CCDC149: variants seen among roughly 807,000 people sequenced by gnomAD.
CCDC149 encodes the protein coiled-coil domain-containing protein 149.
A neutral mutation model predicts 59.9 loss-of-function variants in CCDC149; 45 were observed. The ratio of observed to expected loss-of-function variants is 0.75; its 90% CI spans 0.59 to 0.96. The LOEUF (loss-of-function observed/expected upper bound fraction) is 0.96, where lower values mean the gene tolerates loss of function less well. CCDC149 is among the 40% of genes least tolerant of loss of function. The pLI is 0.00. For synonymous variants in CCDC149, 245 were observed against 260.6 expected, an observed-to-expected ratio of 0.94 and a Z score of 0.58; for missense variants, 584 against 664.7, an observed-to-expected ratio of 0.88 and a Z score of 1.33.
Position 24,862,681 on chromosome 4 carries a change from T to C in CCDC149, c.265-9502A>G, listed in dbSNP as rs933274382. On this transcript the variant is annotated intron_variant, in intron 3 of 12. Transcript: ENST00000635206. ...GGCTGATTCAAACCTGACACAATAT[T>C]CTTCATAAACAAATCTTACCAAAAT... 2.6e-5 allele frequency among the ~76,000 whole-genome samples: 4 copies of C among 152,342 alleles called. No homozygotes were observed. The East Asian group carries it at 7.7e-4, about 29-fold the overall frequency.
intron 3 of CCDC149, among the ~76,000 whole-genome samples, chr4:24,861,373 G>A (rs1244678342): frequency 1.3e-5 from 2 of 152,000 alleles, no homozygotes; most frequent in South Asian, 4.2e-4. Flanking sequence ...TCTAAATGAA[G>A]TAACTCAGGA....
intron 1 of CCDC149, among the ~76,000 whole-genome samples, chr4:24,958,161 A>G (rs1026649075): frequency 3.2e-4 from 48 of 152,236 alleles, no homozygotes; most frequent in African/African-American, 1.1e-3. Context: ...TCATTGACCT[A>G]CTAATGCTGC....
intron 1 of CCDC149, among the ~76,000 whole-genome samples, chr4:24,891,692 C>T (rs1479973548): frequency 2.0e-5 from 3 of 152,194 alleles, no homozygotes; most frequent in Non-Finnish European, 4.4e-5. Flanking sequence ...GAGGTTTGGG[C>T]ATCTCGCTTT....
At position 24,838,210 on chromosome 4, in the gene CCDC149, A is replaced by G; in HGVS notation, c.435T>C (p.Phe145=). The G allele has an allele frequency of 6.2e-7, 1 of 1,614,198 alleles. No homozygotes were observed. The highest frequency in any genetic ancestry group is 8.5e-7 in the Non-Finnish European group (1 of 1,180,032). ...CCAAGTCTTCACGCTCATGGGCTGC[A>G]AAGTGTCGCACGCCGATTGCTTCGT... The change falls in exon 5 of 13, where the codon TTT becomes TTC. Residue 145 remains phenylalanine, a synonymous_variant. Coordinates refer to ENST00000635206, the MANE Select transcript of CCDC149 (RefSeq NM_001330643.2).
intron 1 of CCDC149, among the ~76,000 whole-genome samples, chr4:24,887,069 TTGTGCTCATCA>T (rs775269809): frequency 1.3e-5 from 2 of 152,146 alleles, no homozygotes; most frequent in Non-Finnish European, 2.9e-5. Flanking sequence ...TGAGGGTAGT[TTGTGCTCATCA>T]TGTGCTCATC....
At position 24,876,712 on chromosome 4, in the gene CCDC149, A is replaced by G. The variant is rs778831384; in HGVS notation, c.64-15T>C. 1 of 1,595,516 alleles carries G rather than the reference A, an allele frequency of 6.3e-7. No homozygotes were observed. The highest frequency in any genetic ancestry group is 1.1e-5 in the South Asian group (1 of 88,720). On this transcript the variant is annotated splice_polypyrimidine_tract_variant and intron_variant, in intron 1 of 12. Coordinates refer to ENST00000635206, the MANE Select transcript of CCDC149 (RefSeq NM_001330643.2). ...CACACCAGGTACTGCAAAGCAAACA[A>G]ATCCAGGCAATGGGTCAAAAACATC...
At chr4:24,961,080 C>A (rs1388229362) in intron 1 of CCDC149, among the ~76,000 whole-genome samples, 1 of 152,164 alleles carries the variant, frequency 6.6e-6, no homozygotes, top group Admixed American at 6.5e-5. Flanking sequence ...CAAATGCATG[C>A]AGAACATGTA....
At chr4:24,822,427 C>T (rs1010947888) in intron 10 of CCDC149, 70 bp downstream of exon 10, 24 of 976,012 alleles carry the variant, frequency 2.5e-5, no homozygotes, top group Admixed American at 9.7e-5. Flanking sequence ...TTGTAAATTA[C>T]GTGGGAGCTT....
intron 1 of CCDC149, among the ~76,000 whole-genome samples, chr4:24,907,565 T>C (rs920269163): frequency 5.9e-5 from 9 of 152,112 alleles, no homozygotes; most frequent in African/African-American, 2.2e-4. Flanking sequence ...TGTCTTCCCC[T>C]CTGGACTTGA....
intron 1 of CCDC149, among the ~76,000 whole-genome samples, chr4:24,949,904 G>A (rs200904989): frequency 5.9e-5 from 9 of 152,228 alleles, no homozygotes; most frequent in Non-Finnish European, 1.3e-4. Flanking sequence ...GTGGGTGGTT[G>A]CTTTAGGAAC....
At chr4:24,872,243 T>C (rs1027452760) in intron 3 of CCDC149, among the ~76,000 whole-genome samples, 2 of 152,198 alleles carry the variant, frequency 1.3e-5, no homozygotes, top group Non-Finnish European at 2.9e-5. Flanking sequence ...ATTGGTTTGG[T>C]CAATAAACAG....
Position 24,912,908 on chromosome 4 carries a change from G to A in CCDC149, c.-29C>T. On this transcript the variant is annotated 5_prime_UTR_variant, in exon 1 of 13. Coordinates refer to ENST00000635206, the MANE Select transcript of CCDC149 (RefSeq NM_001330643.2). ...CTGGCCGGCCTCCTGGACCCCCGCC[G>A]CCTCCTCCTCCTCGCGACGTCGCGT... 1.6e-6 allele frequency: 2 copies of A among 1,275,102 alleles called. No individual in the cohort carries two copies. Among genetic ancestry groups the A allele is most frequent in the Admixed American group, 2.9e-5 (1 of 35,008 alleles). The allele number at this position is 1,275,102 out of a possible 1,614,324, so 79.0% of individuals were successfully genotyped here.
chr4:24,857,385 A>T (rs866321541), intron 3 of CCDC149, among the ~76,000 whole-genome samples: 1 of 152,244 alleles, frequency 6.6e-6, no homozygotes, highest in African/African-American at 2.4e-5. Context: ...ATTAGATTCA[A>T]CAGACATAAA....
intron 1 of CCDC149, chr4:24,894,954 T>G: frequency 6.5e-7 from 1 of 1,535,418 alleles, no homozygotes; most frequent in Non-Finnish European, 8.7e-7. Flanking sequence ...TTATAAAACA[T>G]AGGCTTAAAG....
Position 24,860,804 on chromosome 4 carries a change from C to G in CCDC149, c.265-7625G>C, listed in dbSNP as rs532874513. Among the ~76,000 whole-genome samples the G allele has an allele frequency of 3.1e-3, 466 of 152,168 alleles. 1 individual carries two copies. Among genetic ancestry groups the G allele is most frequent in the African/African-American group, 0.011 (438 of 41,528 alleles). Reference sequence around the variant, plus strand: ...TAGATAAGAACATGAAGAGACAATTCTCAAAAGAAGATATATAAATGGCCG... The same window carrying G: ...TAGATAAGAACATGAAGAGACAATTGTCAAAAGAAGATATATAAATGGCCG... On this transcript the variant is annotated intron_variant, in intron 3 of 12. Coordinates refer to ENST00000635206, the MANE Select transcript of CCDC149 (RefSeq NM_001330643.2).
At chr4:24,918,150 G>T (rs141041543) in intron 1 of CCDC149, among the ~76,000 whole-genome samples, 2 of 152,226 alleles carry the variant, frequency 1.3e-5, no homozygotes, top group African/African-American at 4.8e-5. Context: ...AGTGGATATG[G>T]GTGGAAAAGG....
intron 9 of CCDC149, among the ~76,000 whole-genome samples, chr4:24,825,145 T>A (rs541653327): frequency 1.3e-5 from 2 of 152,256 alleles, no homozygotes; most frequent in Non-Finnish European, 1.5e-5. Context: ...TCCAGCTCTG[T>A]AAAGCACTAT....
chr4:24,920,084 G>A (rs1722241967), intron 1 of CCDC149, among the ~76,000 whole-genome samples: 1 of 152,182 alleles, frequency 6.6e-6, no homozygotes, highest in Non-Finnish European at 1.5e-5. Flanking sequence ...GGAGTTGAAG[G>A]TATTTGAAGT....
At chr4:24,903,530 T>C (rs774334511) in intron 1 of CCDC149, among the ~76,000 whole-genome samples, 12 of 152,354 alleles carry the variant, frequency 7.9e-5, no homozygotes, top group Non-Finnish European at 1.3e-4. Flanking sequence ...TCTGTAGCAA[T>C]AGCTAACTGT....
Sources: allele counts gnomAD v4.1 joint callset (sites outside exome capture counted in the v4.1 genomes callset), GRCh38; gene constraint gnomAD v4.1.1; transcripts MANE v1.5; gene names NCBI Gene and HGNC (gene_info 2026-07-23, HGNC 2026-07-21).